Variants in MAST2 observed in about 807,000 individuals in gnomAD.
MAST2 encodes the protein microtubule-associated serine/threonine-protein kinase 2.
A neutral mutation model predicts 147.4 loss-of-function variants in MAST2; 70 were observed. That is an observed-to-expected ratio of 0.47 (90% CI 0.39 to 0.58). The LOEUF is 0.58. Ranked by LOEUF, MAST2 falls within the 20% of genes least tolerant of loss-of-function variation. The probability of loss-of-function intolerance (pLI) is 0.00; values close to 1 mark genes in which losing one functional copy is unlikely to be tolerated. For missense variants in MAST2, 2,080 were observed against 2,302.3 expected, an observed-to-expected ratio of 0.90 and a Z score of 1.98; for synonymous variants, 869 against 896.8, an observed-to-expected ratio of 0.97 and a Z score of 0.55.
intron 15 of MAST2, among the ~76,000 whole-genome samples, chr1:46,025,322 A>AT (rs1553132691): frequency 5.3e-5 from 8 of 152,086 alleles, no homozygotes; most frequent in South Asian, 2.1e-4. Flanking sequence ...TTGCCTCAAA[A>AT]AAATAAATAA....
chr1:45,887,157 C>T (rs1431327175), intron 4 of MAST2, among the ~76,000 whole-genome samples: 2 of 152,160 alleles, frequency 1.3e-5, no homozygotes, highest in African/African-American at 4.8e-5. Context: ...AATTTCAGCA[C>T]CAGTACCTAG....
chr1:45,947,474 T>C (rs1428369046), intron 4 of MAST2, among the ~76,000 whole-genome samples: 1 of 152,186 alleles, frequency 6.6e-6, no homozygotes, highest in East Asian at 1.9e-4. Flanking sequence ...TTAGTAATTG[T>C]TAGATATTAT....
At chr1:45,850,836 CTTTTTTTT>C (rs35427966) in intron 3 of MAST2, among the ~76,000 whole-genome samples, 1 of 113,568 alleles carries the variant, frequency 8.8e-6, no homozygotes, top group Non-Finnish European at 1.8e-5. Flanking sequence ...CAGTACTATG[CTTTTTTTT>C]TTTTTTTTTT....
chr1:45,898,502 C>T (rs564686730), intron 4 of MAST2, among the ~76,000 whole-genome samples: 30 of 152,158 alleles, frequency 2.0e-4, no homozygotes, highest in African/African-American at 3.1e-4. Context: ...CAATATCTTC[C>T]GTTCTGTTTT....
chr1:45,868,279 T>G (rs1242786729), intron 3 of MAST2, among the ~76,000 whole-genome samples: 1 of 152,220 alleles, frequency 6.6e-6, no homozygotes, highest in Non-Finnish European at 1.5e-5. Flanking sequence ...TTGCCCTGTT[T>G]CCCAATCAAC....
Position 45,937,936 on chromosome 1 carries a change from TG to T in MAST2, c.501-21449del, listed in dbSNP as rs201295888. 7.4e-3 allele frequency among the ~76,000 whole-genome samples: 1,120 copies of T among 152,280 alleles called. 15 individuals carry two copies. The highest frequency in any genetic ancestry group is 0.025 in the African/African-American group (1,057 of 41,572). ...CCATAATCCAAATTTAGAACACTTCTGTCACTCAGAAAGTTTACTTGTACCC... is the reference window on the plus strand; with the variant it reads ...CCATAATCCAAATTTAGAACACTTCTTCACTCAGAAAGTTTACTTGTACCC... On this transcript the variant is annotated intron_variant, in intron 4 of 28. Transcript: ENST00000361297.
intron 12 of MAST2, among the ~76,000 whole-genome samples, 191 bp from the exon 13 acceptor site, chr1:46,022,719 G>C (rs1220951480): frequency 6.6e-6 from 1 of 152,190 alleles, no homozygotes; most frequent in East Asian, 1.9e-4. Context: ...AGTAGCAGTA[G>C]GATTTGGCTT....
intron 5 of MAST2, among the ~76,000 whole-genome samples, chr1:45,989,111 T>C (rs1184376208): frequency 6.6e-6 from 1 of 152,202 alleles, no homozygotes; most frequent in East Asian, 1.9e-4. Flanking sequence ...CACATATCTA[T>C]AAATATTTTA....
intron 4 of MAST2, among the ~76,000 whole-genome samples, chr1:45,909,236 A>G (rs1651270777): frequency 6.6e-6 from 1 of 152,160 alleles, no homozygotes; most frequent in African/African-American, 2.4e-5. Flanking sequence ...TATTTACTTA[A>G]AAAAGTTAGG....
At chr1:46,034,045 A>ACTC in intron 27 of MAST2, 28 bp from the exon 28 acceptor site, 1 of 1,609,136 alleles carries the variant, frequency 6.2e-7, no homozygotes, top group South Asian at 1.1e-5. Flanking sequence ...CACTGCACCG[A>ACTC]CTCAGCCTTT....
intron 28 of MAST2, 82 bp downstream of exon 28, chr1:46,034,348 C>T (rs1205846206): frequency 4.8e-6 from 7 of 1,446,642 alleles, no homozygotes; most frequent in Non-Finnish European, 6.5e-6. Flanking sequence ...TGACAGATCC[C>T]ACTCTGAGTC....
intron 3 of MAST2, among the ~76,000 whole-genome samples, chr1:45,863,604 C>T (rs1646050543): frequency 6.6e-6 from 1 of 152,186 alleles, no homozygotes; most frequent in Non-Finnish European, 1.5e-5. Flanking sequence ...AGAAAATGAT[C>T]TTGTAAATAG....
intron 5 of MAST2, among the ~76,000 whole-genome samples, chr1:45,988,873 A>G (rs1019736619): frequency 6.6e-5 from 10 of 151,914 alleles, no homozygotes; most frequent in Non-Finnish European, 1.5e-4. Context: ...CTTCCTTACT[A>G]TCTGCGATTA....
At chr1:45,959,330 G>A (rs893789908) in intron 4 of MAST2, 56 bp from the exon 5 acceptor site, 1 of 1,404,834 alleles carries the variant, frequency 7.1e-7, no homozygotes, top group Non-Finnish European at 1.0e-6. Flanking sequence ...AACCACTCAA[G>A]GTCTCTGGGC....
At chr1:45,845,248 A>C (rs2147939880) in intron 3 of MAST2, among the ~76,000 whole-genome samples, 1 of 152,304 alleles carries the variant, frequency 6.6e-6, no homozygotes. Context: ...GGCATTATTA[A>C]ACCACTAGTA....
chr1:45,865,645 C>T (rs992855044), intron 3 of MAST2, among the ~76,000 whole-genome samples: 3 of 152,160 alleles, frequency 2.0e-5, no homozygotes, highest in Non-Finnish European at 4.4e-5. Flanking sequence ...GTCTACCTAC[C>T]TACCTACCTA....
At position 46,002,923 on chromosome 1, in the gene MAST2, AG is replaced by A. The variant is rs757075053; in HGVS notation, c.747+42del. 27 of 1,581,072 alleles carry A rather than the reference AG, an allele frequency of 1.7e-5. 1 individual carries two copies. The South Asian group carries it at 3.0e-4, about 17-fold the overall frequency. On this transcript the variant is annotated intron_variant, in intron 7 of 28. Transcript: ENST00000361297. The stretch of plus-strand genomic sequence containing the variant: ...CTGTGGCCATACTTCCTTCACCCTA[AG>A]GAAGTACTTCCCTTTGGGTTATCTA...
intron 3 of MAST2, among the ~76,000 whole-genome samples, chr1:45,855,496 C>T (rs1412467052): frequency 6.6e-6 from 1 of 151,860 alleles, no homozygotes; most frequent in Non-Finnish European, 1.5e-5. Context: ...TTTGTATTTT[C>T]ATGCTGCTTG....
At chr1:45,900,868 C>T (rs973079472) in intron 4 of MAST2, among the ~76,000 whole-genome samples, 9 of 151,772 alleles carry the variant, frequency 5.9e-5, no homozygotes, top group South Asian at 2.1e-4. Context: ...TTTTTTCTTA[C>T]GATTTAAGTT....
Sources: allele counts gnomAD v4.1 joint callset (sites outside exome capture counted in the v4.1 genomes callset), GRCh38; gene constraint gnomAD v4.1.1; transcripts MANE v1.5; gene names NCBI Gene and HGNC (gene_info 2026-07-23, HGNC 2026-07-21).